ABCA1: variants seen among roughly 807,000 people sequenced by gnomAD.
ABCA1 encodes the protein phospholipid-transporting ATPase ABCA1.
A neutral mutation model predicts 262.5 loss-of-function variants in ABCA1; 133 were observed. The observed-to-expected ratio is 0.51, with a 90% CI of 0.44 to 0.59. The LOEUF (loss-of-function observed/expected upper bound fraction) is 0.59. Among genes scored for constraint, ABCA1 ranks in the 20% least tolerant of loss-of-function variants. The probability of loss-of-function intolerance (pLI) is 0.00; values close to 1 mark genes in which losing one functional copy is unlikely to be tolerated. For missense variants in ABCA1, 2,452 were observed against 2,777.5 expected, an observed-to-expected ratio of 0.88 and a Z score of 2.63; for synonymous variants, 1,022 against 1,043.5, an observed-to-expected ratio of 0.98 and a Z score of 0.40.
chr9:104,817,550 G>A lies in ABCA1; in HGVS notation c.3463-146C>T, dbSNP rs1047390595. 1.4e-5 allele frequency: 12 copies of A among 868,868 alleles called. No individual in the cohort carries two copies. The highest frequency in any genetic ancestry group is 1.7e-5 in the African/African-American group (1 of 60,152). 53.8% of individuals were successfully genotyped at this position (868,868 alleles called of 1,614,324 possible). A position where few individuals can be genotyped will look rare whatever the true frequency, so the allele number is the denominator to read the frequency against. On this transcript the variant is annotated intron_variant, in intron 23 of 49. Coordinates refer to ENST00000374736, the MANE Select transcript of ABCA1 (RefSeq NM_005502.4). This position sits in a 1 kb window ranked among gnomAD's most constrained non-coding sequence, Gnocchi z 4.7. ...CCCTGGGACACATGCACTGGCAGCC[G>A]TGGCTTCAGAGGACCCTGTCTGGCA...
chr9:104,831,779 T>C lies in ABCA1; in HGVS notation c.1558A>G (p.Ile520Val). 2 of 1,614,240 alleles carry C rather than the reference T, an allele frequency of 1.2e-6. No homozygotes were observed. The highest frequency in any genetic ancestry group is 2.7e-5 in the African/African-American group (2 of 75,046). Residue 520 changes from isoleucine to valine, a missense_variant, in exon 13 of 50, where the codon ATC becomes GTC. Around this residue, in one of 4 missense-constraint regions of ABCA1, gnomAD observed 1,032 missense variants for 1,089.7 expected, o/e 0.95. Transcript: ENST00000374736. Reference protein sequence around the residue: ...LEPIATEVWLINKSMELLDER... With the variant: ...LEPIATEVWLVNKSMELLDER... Reference sequence around the variant, plus strand: ...TCCAGCAGCTCCATGGACTTGTTGATGAGCCAGACTTCTGTTGCTATGGGT... The same window carrying C: ...TCCAGCAGCTCCATGGACTTGTTGACGAGCCAGACTTCTGTTGCTATGGGT...
At chr9:104,828,847 T>C (rs1833015461) in intron 15 of ABCA1, 69 bp downstream of exon 15, 2 of 1,502,396 alleles carry the variant, frequency 1.3e-6, no homozygotes, top group South Asian at 2.3e-5. Flanking sequence ...TTTCTTCTTC[T>C]CCTCCCTTAG....
intron 5 of ABCA1, among the ~76,000 whole-genome samples, chr9:104,876,947 A>T (rs1838217002): frequency 6.6e-6 from 1 of 152,244 alleles, no homozygotes; most frequent in Non-Finnish European, 1.5e-5. Flanking sequence ...TTAAAACAAG[A>T]TAGTATTTTT....
chr9:104,861,368 ATAT>A, intron 6 of ABCA1: 1 of 548,002 alleles, frequency 1.8e-6, no homozygotes, highest in Non-Finnish European at 3.2e-6. Context: ...AGAACTGTGA[ATAT>A]TTTTTAAGTT....
At chr9:104,803,735 G>A (rs1228521715) in intron 32 of ABCA1, among the ~76,000 whole-genome samples, 5 of 152,002 alleles carry the variant, frequency 3.3e-5, no homozygotes, top group African/African-American at 4.8e-5. Context: ...AGCCTCCCAA[G>A]TAGCTGGGAT....
At chr9:104,858,463 A>C in intron 7 of ABCA1, 59 bp downstream of exon 7, 1 of 1,548,564 alleles carries the variant, frequency 6.5e-7, no homozygotes, top group South Asian at 1.1e-5. Context: ...TCCAAGGAAA[A>C]GCCTCACATT....
rs756937581 is a variant in ABCA1, at chr9:104,800,032, G to A, written c.4774-44C>T. 23 of 1,611,662 alleles carry A rather than the reference G, an allele frequency of 1.4e-5. No homozygotes were observed. The Admixed American group carries it at 2.0e-4, about 14-fold the overall frequency. ...GGTACAAGGTAATGCCCCCAAACCG[G>A]GCTCCTGCAGGCAGGTGCATACCCA... On this transcript the variant is annotated intron_variant, in intron 35 of 49. Coordinates refer to ENST00000374736, the MANE Select transcript of ABCA1 (RefSeq NM_005502.4).
intron 30 of ABCA1, among the ~76,000 whole-genome samples, chr9:104,807,686 G>A (rs1830889132): frequency 6.6e-6 from 1 of 151,742 alleles, no homozygotes; most frequent in Non-Finnish European, 1.5e-5. Context: ...GGTGGCACAT[G>A]CTTGTAATCC....
At position 104,826,998 on chromosome 9, in the gene ABCA1, G is replaced by C; in HGVS notation, c.2287C>G (p.Leu763Val). 1 of 1,614,198 alleles carries C rather than the reference G, an allele frequency of 6.2e-7. No homozygotes were observed. The highest frequency in any genetic ancestry group is 8.5e-7 in the Non-Finnish European group (1 of 1,180,044). Residue 763 changes from leucine to valine, a missense_variant, in exon 16 of 50, where the codon CTG (leucine) becomes GTG (valine). By Grantham distance (32) the Leu-to-Val change is conservative. Around this residue, in one of 4 missense-constraint regions of ABCA1, gnomAD observed 1,032 missense variants for 1,089.7 expected, o/e 0.95. Transcript: ENST00000374736. ...ACGTAGTCCTGCCATGCCACACACA[G>C]GACGTAGGGCAGGTACAGCGTGAAG... Reference protein sequence around the residue: ...IYFTLYLPYVLCVAWQDYVGF... With the variant: ...IYFTLYLPYVVCVAWQDYVGF...
At chr9:104,874,936 C>A (rs543790825) in intron 5 of ABCA1, among the ~76,000 whole-genome samples, 127 of 150,658 alleles carry the variant, frequency 8.4e-4, no homozygotes, top group African/African-American at 3.1e-3. Flanking sequence ...CCCGGCCGCC[C>A]CTTCTGGGAA....
intron 1 of ABCA1, among the ~76,000 whole-genome samples, chr9:104,927,300 AG>A (rs768616497): frequency 6.6e-6 from 1 of 152,116 alleles, no homozygotes; most frequent in Non-Finnish European, 1.5e-5. Flanking sequence ...GACTGTAGGC[AG>A]GACCTCCCTA....
intron 44 of ABCA1, 64 bp downstream of exon 44, chr9:104,790,858 T>C: frequency 5.2e-6 from 6 of 1,144,588 alleles, no homozygotes; most frequent in Admixed American, 5.1e-5. Flanking sequence ...AATAACAACC[T>C]ATTTCTTTAA....
chr9:104,902,714 C>A (rs1378983878), intron 2 of ABCA1, among the ~76,000 whole-genome samples: 1 of 152,122 alleles, frequency 6.6e-6, no homozygotes, highest in Non-Finnish European at 1.5e-5. Context: ...ACAGACAGTG[C>A]AAGCATTATT....
chr9:104,846,092 C>A (rs955438917), intron 7 of ABCA1, among the ~76,000 whole-genome samples: 7 of 152,202 alleles, frequency 4.6e-5, no homozygotes, highest in African/African-American at 1.7e-4. Flanking sequence ...GAGTTTTAGT[C>A]AAATCTTTAT....
At chr9:104,926,862 G>C (rs1040911599) in intron 1 of ABCA1, among the ~76,000 whole-genome samples, 1 of 152,210 alleles carries the variant, frequency 6.6e-6, no homozygotes, top group African/African-American at 2.4e-5. Context: ...GGAGAGGGAG[G>C]ATTGGGCACC....
At chr9:104,842,302 G>T (rs756729356) in intron 8 of ABCA1, among the ~76,000 whole-genome samples, 1 of 152,104 alleles carries the variant, frequency 6.6e-6, no homozygotes, top group Non-Finnish European at 1.5e-5. Context: ...ACAGAAAGGG[G>T]ACAGAGAACC....
intron 2 of ABCA1, among the ~76,000 whole-genome samples, chr9:104,896,998 G>C (rs74491774): frequency 2.0e-5 from 3 of 151,660 alleles, no homozygotes; most frequent in Non-Finnish European, 2.9e-5. Flanking sequence ...CCAAAGTGCT[G>C]GGAATACAGG....
Position 104,812,701 on chromosome 9 carries a change from A to G in ABCA1, c.3923T>C (p.Leu1308Pro). ...IDPESRETDL[L>P]SGMDGKGSYQ... ...GGACCCTTTGCCATCCATCCCACTG[A>G]GCAAGTCTGTCTCTCTGGATTCTGC... is the stretch of plus-strand genomic sequence containing the variant. The change falls in exon 28 of 50, where the codon CTC becomes CCC. Residue 1308 changes from leucine to proline, a missense_variant. Leu to Pro is a moderately conservative substitution (Grantham distance 98, BLOSUM62 -3). This residue lies in a region of ABCA1 where 665 missense variants were observed against 727.3 expected (regional missense o/e 0.91). Coordinates refer to ENST00000374736, the MANE Select transcript of ABCA1 (RefSeq NM_005502.4). 1 of 1,614,214 alleles carries G rather than the reference A, an allele frequency of 6.2e-7. No individual in the cohort carries two copies. Among genetic ancestry groups the G allele is most frequent in the Non-Finnish European group, 8.5e-7 (1 of 1,180,038 alleles).
At chr9:104,838,707 T>C (rs1400551649) in intron 9 of ABCA1, among the ~76,000 whole-genome samples, 1 of 151,472 alleles carries the variant, frequency 6.6e-6, no homozygotes, top group East Asian at 1.9e-4. Context: ...AACAGACAAA[T>C]GGGTTTGGTT....
Sources: allele counts gnomAD v4.1 joint callset (sites outside exome capture counted in the v4.1 genomes callset), GRCh38; gene constraint gnomAD v4.1.1; regional missense constraint gnomAD v4.1.1; non-coding constraint Gnocchi (gnomAD v3.1); transcripts MANE v1.5; gene names NCBI Gene and HGNC (gene_info 2026-07-23, HGNC 2026-07-21).